Variants in NTPCR observed in about 807,000 individuals in gnomAD.
NTPCR encodes nucleoside-triphosphatase, cancer-related, also known as cancer-related nucleoside-triphosphatase.
A neutral mutation model predicts 19.5 loss-of-function variants in NTPCR; 15 were observed. The ratio of observed to expected loss-of-function variants is 0.77; its 90% CI spans 0.51 to 1.18. The LOEUF (loss-of-function observed/expected upper bound fraction) is 1.18, where lower values mean the gene tolerates loss of function less well. Among genes scored for constraint, NTPCR ranks in the 50% most tolerant of loss-of-function variants. The pLI is 0.00. For synonymous variants in NTPCR, 90 were observed against 95.8 expected (o/e 0.94, Z 0.36); for missense variants, 206 against 240.4 (o/e 0.86, Z 0.95).
At chr1:232,955,987 GAA>G (rs1558126022) in intron 2 of NTPCR, among the ~76,000 whole-genome samples, 2 of 152,134 alleles carry the variant, frequency 1.3e-5, no homozygotes, top group Admixed American at 1.3e-4. Context: ...AAAAGTATAA[GAA>G]AGTGATATTT....
intron 1 of NTPCR, among the ~76,000 whole-genome samples, chr1:232,953,093 T>C (rs921349077): frequency 2.6e-5 from 4 of 152,160 alleles, no homozygotes; most frequent in Admixed American, 2.0e-4. Flanking sequence ...CCCCAGGGGG[T>C]TGAAGCTCCA....
chr1:232,961,343 C>T lies in NTPCR; in HGVS notation c.294+4900C>T, dbSNP rs183222309. On this transcript the variant is annotated intron_variant, in intron 3 of 4. Coordinates refer to ENST00000366628, the MANE Select transcript of NTPCR (RefSeq NM_032324.3). ...AACCTTCAAGGTCTTGATGGTGCTG[C>T]GTTGACTTTGTGTCCCACTGCCAGG... 3.3e-3 allele frequency among the ~76,000 whole-genome samples: 504 copies of T among 152,350 alleles called. 3 individuals carry two copies. Among genetic ancestry groups the T allele is most frequent in the African/African-American group, 9.9e-3 (410 of 41,584 alleles).
chr1:232,955,846 C>T, intron 2 of NTPCR, 127 bp downstream of exon 2: 1 of 857,834 alleles, frequency 1.2e-6, no homozygotes, highest in Non-Finnish European at 1.9e-6. Flanking sequence ...GGATGCCCAT[C>T]TGCTTTCCCT....
At chr1:232,957,969 G>T (rs1470452727) in intron 3 of NTPCR, among the ~76,000 whole-genome samples, 3 of 152,082 alleles carry the variant, frequency 2.0e-5, no homozygotes, top group African/African-American at 4.8e-5. Flanking sequence ...GGGTGGGGAG[G>T]TCTGGGGAGA....
rs1183221456 is a variant in NTPCR, at chr1:232,955,711, G to A, written c.189G>A (p.Ser63=). The A allele has an allele frequency of 8.7e-6, 14 of 1,613,598 alleles. No individual in the cohort carries two copies. The highest frequency in any genetic ancestry group is 1.7e-4 in the Middle Eastern group (1 of 6,022). The change falls in exon 2 of 5, where the codon TCG becomes TCA. Residue 63 remains serine (S), a synonymous_variant. Transcript: ENST00000366628. ...TGTCCGGCACCCGGGGGCCTTTATCGAGAGTTGGGTACTGATATTTCATTT... is the reference window on the plus strand; with the variant it reads ...TGTCCGGCACCCGGGGGCCTTTATCAAGAGTTGGGTACTGATATTTCATTT... ...VTLSGTRGPL[S]RVGLEPPPGK...
In NTPCR at chr1:232,978,599, C is replaced by T. The variant is rs1413628465; in HGVS notation, c.*368C>T. On this transcript the variant is annotated 3_prime_UTR_variant, in exon 5 of 5. Coordinates refer to ENST00000366628, the MANE Select transcript of NTPCR (RefSeq NM_032324.3). ...TCAGGGGAAGCGGGAGGAAAGAGTT[C>T]ACTGCCTAATCAGTTTTGCATGTCA... 1 of 166,166 alleles carries T rather than the reference C, an allele frequency of 6.0e-6. No homozygotes were observed. Among genetic ancestry groups the T allele is most frequent in the East Asian group, 1.6e-4 (1 of 6,100 alleles). 10.3% of individuals were successfully genotyped at this position (166,166 alleles called of 1,614,324 possible).
chr1:232,956,433 T>C lies in NTPCR; in HGVS notation c.284T>C (p.Val95Ala). 1.2e-6 allele frequency: 2 copies of C among 1,609,590 alleles called. No individual in the cohort carries two copies. The highest frequency in any genetic ancestry group is 1.7e-6 in the Non-Finnish European group (2 of 1,175,912). The change falls in exon 3 of 5, where the codon GTC becomes GCC. Residue 95 changes from valine (V) to alanine (A), a missense_variant. By Grantham distance (64) the Val-to-Ala change is moderately conservative (BLOSUM62 0). Transcript: ENST00000366628. ...LTSFEQLALP[V>A]LRNADCSSGP... ...TCTTTTGAGCAGTTGGCACTACCCG[T>C]CTTGAGGAATGTGAGTACGTGATTT...
intron 1 of NTPCR, 49 bp from the exon 2 acceptor site, chr1:232,955,508 T>G: frequency 6.8e-7 from 1 of 1,459,910 alleles, no homozygotes. Context: ...AGTAAGGGAA[T>G]GTTTCCTAAT....
intron 4 of NTPCR, chr1:232,976,483 A>G: frequency 6.5e-7 from 1 of 1,546,114 alleles, no homozygotes. Context: ...TGTGGTGCCC[A>G]CCTCTGTGTC....
intron 1 of NTPCR, among the ~76,000 whole-genome samples, chr1:232,952,851 A>G (rs1303205404): frequency 6.6e-6 from 1 of 151,684 alleles, no homozygotes; most frequent in Admixed American, 6.6e-5. Context: ...GGCACTTAGC[A>G]TTTTTTCCGA....
intron 3 of NTPCR, among the ~76,000 whole-genome samples, chr1:232,958,021 C>T (rs1455867724): frequency 6.6e-6 from 1 of 152,052 alleles, no homozygotes. Context: ...GACCTCAGAG[C>T]CCTGGAGCAG....
At chr1:232,971,475 A>G (rs1394185923) in intron 4 of NTPCR, among the ~76,000 whole-genome samples, 2 of 152,100 alleles carry the variant, frequency 1.3e-5, no homozygotes, top group African/African-American at 4.8e-5. Flanking sequence ...TGTGGTGGTA[A>G]ACAGCCATTA....
Position 232,950,749 on chromosome 1 carries a change from C to G in NTPCR, c.34+5C>G. 6.3e-7 allele frequency: 1 copy of G among 1,592,942 alleles called. No homozygotes were observed. On this transcript the variant is annotated splice_donor_5th_base_variant and intron_variant, in intron 1 of 4. Transcript: ENST00000366628. The stretch of plus-strand genomic sequence containing the variant: ...TGTTCCTAACGGGGCCCCCAGGTAA[C>G]CCTGAGGGGATCCCCACCTCCAAGA...
chr1:232,975,455 T>A (rs569361196), intron 4 of NTPCR, among the ~76,000 whole-genome samples: 1 of 152,310 alleles, frequency 6.6e-6, no homozygotes, highest in South Asian at 2.1e-4. Context: ...ACCCCAGACC[T>A]GAAAACATGG....
chr1:232,976,340 AGTC>A, intron 4 of NTPCR: 1 of 1,522,986 alleles, frequency 6.6e-7, no homozygotes. Context: ...TTTACTCTGT[AGTC>A]ACCGTACTGT....
intron 1 of NTPCR, among the ~76,000 whole-genome samples, chr1:232,951,364 G>A (rs1214390834): frequency 1.3e-5 from 2 of 151,930 alleles, no homozygotes; most frequent in African/African-American, 4.8e-5. Flanking sequence ...TGTTCCTGTC[G>A]CTGTCCCCTC....
rs547137690 is a variant in NTPCR at position 232,960,789 on chromosome 1, T to C, written c.294+4346T>C. Reference sequence around the variant, plus strand: ...TAGGGTTGACTGTTAATTTTTTTCATTCCATGAGTTAACTCTTTCCTTATT... The same window carrying C: ...TAGGGTTGACTGTTAATTTTTTTCACTCCATGAGTTAACTCTTTCCTTATT... On this transcript the variant is annotated intron_variant, in intron 3 of 4. Transcript: ENST00000366628. Among the ~76,000 whole-genome samples, 57 of 152,344 alleles carry C rather than the reference T, an allele frequency of 3.7e-4. 1 individual carries two copies. The highest frequency in any genetic ancestry group is 1.3e-3 in the African/African-American group (56 of 41,580).
intron 3 of NTPCR, among the ~76,000 whole-genome samples, chr1:232,957,770 TTATAC>T (rs1388227066): frequency 6.6e-6 from 1 of 152,202 alleles, no homozygotes; most frequent in Non-Finnish European, 1.5e-5. Flanking sequence ...CTAAGTAAAT[TTATAC>T]TTGTCATGGT....
intron 3 of NTPCR, among the ~76,000 whole-genome samples, chr1:232,960,091 C>T (rs920182110): frequency 9.3e-5 from 14 of 151,282 alleles, no homozygotes; most frequent in South Asian, 6.3e-4. Context: ...GGCACATGCC[C>T]GTGTCCCAGG....
Sources: gnomAD v4.1 joint callset for allele counts (sites outside exome capture counted in the v4.1 genomes callset) on GRCh38, gnomAD v4.1.1 for gene constraint, MANE v1.5 for transcripts, NCBI Gene and HGNC (gene_info 2026-07-23, HGNC 2026-07-21) for gene names.